The following SUSD4 variants were observed in gnomAD, a reference collection of about 807,000 sequenced individuals.
The protein encoded by SUSD4 is sushi domain-containing protein 4.
In SUSD4, 41 loss-of-function variants were observed where a neutral mutation model predicts 50.5. The observed-to-expected ratio is 0.81, with a 90% CI of 0.63 to 1.05. SUSD4 has a LOEUF of 1.05. SUSD4 is among the 50% of genes least tolerant of loss of function. The probability of loss-of-function intolerance (pLI) is 0.00; values close to 1 mark genes in which losing one functional copy is unlikely to be tolerated. For missense variants in SUSD4, 580 were observed against 634.7 expected (o/e 0.91, Z 0.93); for synonymous variants, 257 against 257.3 (o/e 1.00, Z 0.01).
chr1:223,268,459 G>A, intron 4 of SUSD4, 43 bp downstream of exon 4: 1 of 1,578,654 alleles, frequency 6.3e-7, no homozygotes, highest in East Asian at 2.2e-5. Flanking sequence ...TAAAGTCCGA[G>A]AGAATAATAG....
At position 223,231,020 on chromosome 1, in the gene SUSD4, CA is replaced by C. The variant is rs1659860158; in HGVS notation, c.725-1633del. On this transcript the variant is annotated intron_variant, in intron 5 of 8. Coordinates refer to ENST00000366878, the MANE Select transcript of SUSD4 (RefSeq NM_017982.4). The surrounding 1 kb of genome is among the most constrained non-coding windows in gnomAD (Gnocchi z 4.2). ...AGTGGAGAAGCCAGCAGGAACACCC[CA>C]AGATTAGTGAGAGCAGGAAGCCACT... Among the ~76,000 whole-genome samples the C allele has an allele frequency of 6.6e-6, 1 of 152,112 alleles. No individual in the cohort carries two copies. The highest frequency in any genetic ancestry group is 2.4e-5 in the African/African-American group (1 of 41,410).
At chr1:223,290,565 G>A (rs903238202) in intron 3 of SUSD4, among the ~76,000 whole-genome samples, 2 of 152,174 alleles carry the variant, frequency 1.3e-5, no homozygotes, top group Non-Finnish European at 2.9e-5. Context: ...GACACACGTG[G>A]TCTTATTTGA....
chr1:223,239,738 A>C (rs1660455310), intron 5 of SUSD4, among the ~76,000 whole-genome samples: 1 of 151,722 alleles, frequency 6.6e-6, no homozygotes, highest in African/African-American at 2.4e-5. Flanking sequence ...TGTGTGTGTA[A>C]TATACCTAAG....
intron 5 of SUSD4, 113 bp downstream of exon 5, chr1:223,264,517 A>G: frequency 1.3e-6 from 2 of 1,494,264 alleles, no homozygotes; most frequent in Non-Finnish European, 1.8e-6. Context: ...AGAAAGATGT[A>G]TTCAGAGAAG....
At chr1:223,321,265 G>A (rs188224091) in intron 2 of SUSD4, among the ~76,000 whole-genome samples, 18 of 152,256 alleles carry the variant, frequency 1.2e-4, no homozygotes, top group East Asian at 1.9e-4. Context: ...GGCAGTACAC[G>A]GCAAAGACAG....
chr1:223,227,842 G>T lies in SUSD4; in HGVS notation c.917-104C>A. ...TGGATTCATCTGGCACAAGAGATGC[G>T]TGCAAGGTGCCTCTGACCCCCAGGG... On this transcript the variant is annotated intron_variant, in intron 6 of 8. Coordinates refer to ENST00000366878, the MANE Select transcript of SUSD4 (RefSeq NM_017982.4). This position sits in a 1 kb window ranked among gnomAD's most constrained non-coding sequence, Gnocchi z 4.5. 5 of 1,420,318 alleles carry T rather than the reference G, an allele frequency of 3.5e-6. No homozygotes were observed. Among genetic ancestry groups the T allele is most frequent in the Non-Finnish European group, 4.7e-6 (5 of 1,055,478 alleles). The allele number at this position is 1,420,318 out of a possible 1,614,324, so 88.0% of individuals were successfully genotyped here. A position where few individuals can be genotyped will look rare whatever the true frequency, so the allele number is the denominator to read the frequency against.
intron 2 of SUSD4, among the ~76,000 whole-genome samples, chr1:223,336,416 T>C (rs1251460606): frequency 1.3e-5 from 2 of 152,218 alleles, no homozygotes; most frequent in South Asian, 2.1e-4. Flanking sequence ...AAAATATCAG[T>C]ATAAGCAATT....
chr1:223,286,447 C>T (rs948146134), intron 3 of SUSD4, among the ~76,000 whole-genome samples: 1 of 152,146 alleles, frequency 6.6e-6, no homozygotes, highest in Admixed American at 6.5e-5. Flanking sequence ...GACAGGGTTT[C>T]GTCATGTTGA....
At chr1:223,347,464 C>A (rs1403268523) in intron 2 of SUSD4, among the ~76,000 whole-genome samples, 4 of 152,146 alleles carry the variant, frequency 2.6e-5, no homozygotes, top group African/African-American at 4.8e-5. Flanking sequence ...CTTTCCCATT[C>A]CTGAATGCCA....
intron 3 of SUSD4, among the ~76,000 whole-genome samples, chr1:223,282,040 C>T (rs537796550): frequency 2.6e-5 from 4 of 152,148 alleles, no homozygotes; most frequent in Admixed American, 6.5e-5. Context: ...ATTCAACAAC[C>T]CTTCATGCTA....
chr1:223,332,804 G>C lies in SUSD4; in HGVS notation c.148+30474C>G, dbSNP rs1667248451. Among the ~76,000 whole-genome samples, 1 of 152,136 alleles carries C rather than the reference G, an allele frequency of 6.6e-6. No homozygotes were observed. Among genetic ancestry groups the C allele is most frequent in the Non-Finnish European group, 1.5e-5 (1 of 68,038 alleles). ...TTTGCTCCTTCTCTGTCCTGCCCCTGTCCTTTATGCCTACCTCCAGCTAAG... is the reference window on the plus strand; with the variant it reads ...TTTGCTCCTTCTCTGTCCTGCCCCTCTCCTTTATGCCTACCTCCAGCTAAG... On this transcript the variant is annotated intron_variant, in intron 2 of 8. Coordinates refer to ENST00000366878, the MANE Select transcript of SUSD4 (RefSeq NM_017982.4). The surrounding 1 kb of genome is among the most constrained non-coding windows in gnomAD (Gnocchi z 4.0).
At chr1:223,276,244 T>C (rs1317085635) in intron 3 of SUSD4, among the ~76,000 whole-genome samples, 1 of 152,260 alleles carries the variant, frequency 6.6e-6, no homozygotes. Flanking sequence ...GTGCGACCTT[T>C]ATACAGGCTC....
chr1:223,350,417 G>A (rs1275811437), intron 2 of SUSD4, among the ~76,000 whole-genome samples: 1 of 152,190 alleles, frequency 6.6e-6, no homozygotes, highest in Non-Finnish European at 1.5e-5. Flanking sequence ...GCAAAGCCAT[G>A]TTTGGACCCT....
intron 5 of SUSD4, among the ~76,000 whole-genome samples, chr1:223,253,052 T>C (rs1207403815): frequency 6.6e-6 from 1 of 151,384 alleles, no homozygotes; most frequent in African/African-American, 2.4e-5. Flanking sequence ...GATTGCACAA[T>C]TGCACTCCAG....
chr1:223,286,984 G>A (rs967212873), intron 3 of SUSD4, among the ~76,000 whole-genome samples: 4 of 152,224 alleles, frequency 2.6e-5, no homozygotes, highest in African/African-American at 9.6e-5. Context: ...CCAGGATTTT[G>A]AGCCAGAGCC....
chr1:223,361,366 C>T (rs1235405410), intron 2 of SUSD4, among the ~76,000 whole-genome samples: 12 of 152,130 alleles, frequency 7.9e-5, no homozygotes, highest in Non-Finnish European at 7.3e-5. Context: ...CAGCTGATGG[C>T]TAGCTTCCTG....
intron 2 of SUSD4, among the ~76,000 whole-genome samples, chr1:223,357,469 T>A (rs1001440683): frequency 6.6e-6 from 1 of 152,256 alleles, no homozygotes; most frequent in Non-Finnish European, 1.5e-5. Flanking sequence ...TGGGTCACCA[T>A]GCCCCACTTG....
chr1:223,240,554 T>C (rs1226767409), intron 5 of SUSD4, among the ~76,000 whole-genome samples: 3 of 152,226 alleles, frequency 2.0e-5, no homozygotes, highest in Non-Finnish European at 4.4e-5. Flanking sequence ...AGAGATTCTT[T>C]ACTCAGCCAT....
At chr1:223,339,337 T>C (rs567127536) in intron 2 of SUSD4, among the ~76,000 whole-genome samples, 3 of 152,198 alleles carry the variant, frequency 2.0e-5, no homozygotes, top group Non-Finnish European at 4.4e-5. Flanking sequence ...TGGACTATTA[T>C]CTCTAGGAGC....
Sources: gnomAD v4.1 joint callset for allele counts (sites outside exome capture counted in the v4.1 genomes callset) on GRCh38, gnomAD v4.1.1 for gene constraint, Gnocchi (gnomAD v3.1) non-coding constraint, MANE v1.5 for transcripts, NCBI Gene and HGNC (gene_info 2026-07-23, HGNC 2026-07-21) for gene names.